NOVA1: variants seen among roughly 807,000 people sequenced by gnomAD.
NOVA1 encodes the protein RNA-binding protein Nova-1.
Under a neutral mutation model 38.0 loss-of-function variants are expected in NOVA1, and 7 were observed. The observed-to-expected ratio is 0.18, with a 90% CI of 0.10 to 0.35. NOVA1 has a LOEUF of 0.35. Among genes scored for constraint, NOVA1 ranks in the 10% least tolerant of loss-of-function variants. NOVA1 has a pLI of 1.00. For synonymous variants in NOVA1, 270 were observed against 232.5 expected, an observed-to-expected ratio of 1.16 and a Z score of -1.47; for missense variants, 460 against 616.0, an observed-to-expected ratio of 0.75 and a Z score of 2.68.
chr14:26,560,525 T>C (rs1891758167), intron 2 of NOVA1, among the ~76,000 whole-genome samples: 1 of 152,100 alleles, frequency 6.6e-6, no homozygotes, highest in Non-Finnish European at 1.5e-5. Context: ...ATGTGATAAC[T>C]CCCACCAGTT....
chr14:26,496,504 C>G (rs1277180392), intron 2 of NOVA1, among the ~76,000 whole-genome samples: 1 of 151,928 alleles, frequency 6.6e-6, no homozygotes, highest in Non-Finnish European at 1.5e-5. Context: ...TTAATTAGAT[C>G]CCATTTGTCA....
intron 2 of NOVA1, among the ~76,000 whole-genome samples, chr14:26,551,483 C>T (rs1232574928): frequency 2.0e-5 from 3 of 151,996 alleles, no homozygotes; most frequent in Non-Finnish European, 2.9e-5. Context: ...ATCGATATCA[C>T]AAACTATGCA....
intron 4 of NOVA1, among the ~76,000 whole-genome samples, chr14:26,464,190 A>G (rs1268540017): frequency 6.6e-6 from 1 of 152,164 alleles, no homozygotes; most frequent in Non-Finnish European, 1.5e-5. Flanking sequence ...GCATTGTGAC[A>G]TTTTCATCAA....
intron 2 of NOVA1, among the ~76,000 whole-genome samples, chr14:26,557,396 T>A (rs903596872): frequency 2.0e-5 from 3 of 152,084 alleles, no homozygotes; most frequent in Non-Finnish European, 4.4e-5. Context: ...TTTGTGACAG[T>A]CTCTCCTTGT....
intron 2 of NOVA1, among the ~76,000 whole-genome samples, chr14:26,584,384 C>T (rs1000936391): frequency 9.2e-5 from 14 of 151,488 alleles, no homozygotes; most frequent in African/African-American, 3.4e-4. Flanking sequence ...ATAAGTGTCA[C>T]TATATTTACA....
At chr14:26,507,964 A>G (rs894214497) in intron 2 of NOVA1, among the ~76,000 whole-genome samples, 1 of 152,070 alleles carries the variant, frequency 6.6e-6, no homozygotes, top group African/African-American at 2.4e-5. Context: ...AGACCATAAG[A>G]GTTATATCAA....
chr14:26,505,900 T>C (rs920265319), intron 2 of NOVA1, among the ~76,000 whole-genome samples: 2 of 152,160 alleles, frequency 1.3e-5, no homozygotes, highest in East Asian at 1.9e-4. Context: ...AAAAACAGGA[T>C]TGAAATTTAA....
At chr14:26,596,672 A>T in intron 1 of NOVA1, 1 of 1,289,068 alleles carries the variant, frequency 7.8e-7, no homozygotes, top group South Asian at 1.2e-5. Context: ...GAAGCGCAGG[A>T]TGTTAACTAA....
At chr14:26,473,971 T>G (rs971377765) in intron 3 of NOVA1, among the ~76,000 whole-genome samples, 1 of 152,036 alleles carries the variant, frequency 6.6e-6, no homozygotes, top group Non-Finnish European at 1.5e-5. Context: ...ATTTCCCTAA[T>G]ATTTTATTTT....
chr14:26,553,734 T>C (rs1891305850), intron 2 of NOVA1, among the ~76,000 whole-genome samples: 1 of 151,922 alleles, frequency 6.6e-6, no homozygotes, highest in Non-Finnish European at 1.5e-5. Flanking sequence ...TGAGAAAGAA[T>C]AGAAAAAGAC....
intron 2 of NOVA1, among the ~76,000 whole-genome samples, chr14:26,521,264 CT>C (rs1333627073): frequency 1.3e-5 from 2 of 151,870 alleles, no homozygotes; most frequent in Non-Finnish European, 2.9e-5. Context: ...TATTTCATAC[CT>C]TACAATGAGT....
rs36218600 is a variant in NOVA1, at chr14:26,583,881, T to TCACACACA, written c.280+11521_280+11528dup. On this transcript the variant is annotated intron_variant, in intron 2 of 4. Transcript: ENST00000539517. Reference sequence around the variant, plus strand: ...CTTTAGCGTTTGAACAGCATCAAATTCACACACACACACACACACACACAC... The same window carrying TCACACACA: ...CTTTAGCGTTTGAACAGCATCAAATTCACACACACACACACACACACACACACACACAC... 1.9e-3 allele frequency among the ~76,000 whole-genome samples: 279 copies of TCACACACA among 146,028 alleles called. 2 individuals carry two copies. Among genetic ancestry groups the TCACACACA allele is most frequent in the African/African-American group, 6.7e-3 (266 of 39,476 alleles).
chr14:26,480,013 T>C lies in NOVA1; in HGVS notation c.411A>G (p.Gln137=). Residue 137 remains glutamine (Q), a synonymous_variant, in exon 3 of 5, where the codon CAA becomes CAG. Transcript: ENST00000539517. ...VAKTEPVSIL[Q]PQTTVNPDRI... The stretch of plus-strand genomic sequence containing the variant: ...GATCTGGATTAACGGTGGTCTGGGG[T>C]TGTAGAATGCTGACTGGTTCTGTCT... The C allele has an allele frequency of 1.2e-6, 2 of 1,613,958 alleles. No homozygotes were observed. Among genetic ancestry groups the C allele is most frequent in the Non-Finnish European group, 1.7e-6 (2 of 1,179,978 alleles).
chr14:26,470,454 A>AT (rs748693894), intron 4 of NOVA1: 2 of 1,561,422 alleles, frequency 1.3e-6, no homozygotes, highest in Non-Finnish European at 1.8e-6. Context: ...TTCTTCTCTT[A>AT]TATCTTGCTT....
intron 3 of NOVA1, among the ~76,000 whole-genome samples, chr14:26,476,476 C>T (rs1884993418): frequency 6.6e-6 from 1 of 152,174 alleles, no homozygotes. Context: ...TCCCTCTCGA[C>T]TGCAACATAA....
intron 2 of NOVA1, among the ~76,000 whole-genome samples, chr14:26,480,667 G>GTT (rs532204529): frequency 6.2e-5 from 9 of 145,202 alleles, no homozygotes; most frequent in African/African-American, 2.0e-4. Context: ...ATTTTACATT[G>GTT]TTTTTTTTTT....
chr14:26,495,687 C>T (rs1220859324), intron 2 of NOVA1, among the ~76,000 whole-genome samples: 1 of 148,542 alleles, frequency 6.7e-6, no homozygotes, highest in Non-Finnish European at 1.5e-5. Flanking sequence ...TGACGTTCCC[C>T]TTCCTGTGTC....
chr14:26,456,764 A>G (rs1883213135), intron 4 of NOVA1, among the ~76,000 whole-genome samples: 1 of 151,998 alleles, frequency 6.6e-6, no homozygotes, highest in Admixed American at 6.6e-5. Context: ...ACATTGTACA[A>G]TGTATTAGTA....
chr14:26,557,806 GCA>G (rs1465853962), intron 2 of NOVA1, among the ~76,000 whole-genome samples: 3 of 151,960 alleles, frequency 2.0e-5, no homozygotes, highest in Admixed American at 1.3e-4. Context: ...ACGAAAACTT[GCA>G]CACAAAAGTT....
Sources: gnomAD v4.1 joint callset for allele counts (sites outside exome capture counted in the v4.1 genomes callset) on GRCh38, gnomAD v4.1.1 for gene constraint, MANE v1.5 for transcripts, NCBI Gene and HGNC (gene_info 2026-07-23, HGNC 2026-07-21) for gene names.